Variants in KCNH7 observed in about 807,000 individuals in gnomAD.
KCNH7 encodes potassium voltage-gated channel subfamily H member 7.
KCNH7 carries 49 observed loss-of-function variants against 120.8 expected under a neutral mutation model. The ratio of observed to expected loss-of-function variants is 0.41; its 90% CI spans 0.32 to 0.51. The LOEUF (loss-of-function observed/expected upper bound fraction) is 0.51. Among genes scored for constraint, KCNH7 ranks in the 20% least tolerant of loss-of-function variants. The pLI is 0.38. For missense variants in KCNH7, 1,097 were observed against 1,446.6 expected, an observed-to-expected ratio of 0.76 and a Z score of 3.92; for synonymous variants, 547 against 516.1, an observed-to-expected ratio of 1.06 and a Z score of -0.81.
At chr2:162,475,674 T>A (rs1424746890) in intron 6 of KCNH7, among the ~76,000 whole-genome samples, 1 of 152,314 alleles carries the variant, frequency 6.6e-6, no homozygotes, top group Middle Eastern at 3.4e-3. Flanking sequence ...CCTTTCACTA[T>A]GTATTATCCC....
rs1266355469 is a variant in KCNH7 at position 162,742,890 on chromosome 2, A to G, written c.307+93647T>C. Among the ~76,000 whole-genome samples, 4 of 152,226 alleles carry G rather than the reference A, an allele frequency of 2.6e-5. No homozygotes were observed. In the East Asian group the frequency reaches 5.8e-4, roughly 22 times the overall value. ...TTTTGTTTTCTTTTGTTTTAAATCA[A>G]GATAAAAAGTACAGAAGAATAAGAA... On this transcript the variant is annotated intron_variant, in intron 2 of 15. Coordinates refer to ENST00000332142, the MANE Select transcript of KCNH7 (RefSeq NM_033272.4).
intron 3 of KCNH7, among the ~76,000 whole-genome samples, chr2:162,535,364 G>T (rs750381480): frequency 1.3e-5 from 2 of 151,678 alleles, no homozygotes; most frequent in Non-Finnish European, 3.0e-5. Flanking sequence ...TGTAAACTAA[G>T]AATTCACTAA....
chr2:162,617,137 G>T (rs763683288), intron 2 of KCNH7, among the ~76,000 whole-genome samples: 14 of 152,158 alleles, frequency 9.2e-5, no homozygotes, highest in Non-Finnish European at 1.3e-4. Context: ...TTATGAAGAA[G>T]CACAGCTGAG....
intron 2 of KCNH7, among the ~76,000 whole-genome samples, chr2:162,552,586 G>C (rs959985379): frequency 6.6e-6 from 1 of 152,138 alleles, no homozygotes; most frequent in Non-Finnish European, 1.5e-5. Flanking sequence ...TATGTTATAT[G>C]GCTCAGTTTA....
At chr2:162,481,810 T>A (rs1198168108) in intron 6 of KCNH7, among the ~76,000 whole-genome samples, 3 of 152,194 alleles carry the variant, frequency 2.0e-5, no homozygotes, top group African/African-American at 7.2e-5. Flanking sequence ...GTGCAGTTTA[T>A]TTAGCCCAAT....
intron 2 of KCNH7, among the ~76,000 whole-genome samples, chr2:162,653,111 A>G (rs1476062530): frequency 6.6e-6 from 1 of 152,186 alleles, no homozygotes; most frequent in Non-Finnish European, 1.5e-5. Context: ...AGAAGGTATG[A>G]TGTTGAACCT....
intron 2 of KCNH7, among the ~76,000 whole-genome samples, chr2:162,588,501 A>G (rs1694095966): frequency 6.6e-6 from 1 of 152,104 alleles, no homozygotes; most frequent in South Asian, 2.1e-4. Flanking sequence ...TGTGTAATCA[A>G]TTTATGAACC....
intron 3 of KCNH7, among the ~76,000 whole-genome samples, chr2:162,522,257 G>T (rs559424404): frequency 6.6e-6 from 1 of 151,954 alleles, no homozygotes; most frequent in East Asian, 2.0e-4. Flanking sequence ...TTATTACGAT[G>T]CATTGAAAGT....
chr2:162,594,689 G>T (rs181088832), intron 2 of KCNH7, among the ~76,000 whole-genome samples: 1 of 151,488 alleles, frequency 6.6e-6, no homozygotes, highest in Admixed American at 6.6e-5. Context: ...GACTTTTCTC[G>T]TCCTTATTCC....
At chr2:162,528,515 A>G (rs1285908559) in intron 3 of KCNH7, among the ~76,000 whole-genome samples, 1 of 151,986 alleles carries the variant, frequency 6.6e-6, no homozygotes, top group Non-Finnish European at 1.5e-5. Flanking sequence ...GGGACACCAC[A>G]TGATACAAAT....
intron 2 of KCNH7, among the ~76,000 whole-genome samples, chr2:162,703,195 C>A (rs1387085407): frequency 6.6e-6 from 1 of 151,892 alleles, no homozygotes; most frequent in Non-Finnish European, 1.5e-5. Flanking sequence ...TAGGCAATAC[C>A]TAATTAGATG....
chr2:162,654,241 A>G (rs1336009233), intron 2 of KCNH7, among the ~76,000 whole-genome samples: 3 of 152,048 alleles, frequency 2.0e-5, no homozygotes, highest in Admixed American at 1.3e-4. Flanking sequence ...TACAAACCAT[A>G]CATTTGATAT....
At chr2:162,394,111 G>A (rs10170280) in intron 12 of KCNH7, among the ~76,000 whole-genome samples, 3,677 of 151,928 alleles carry the variant, frequency 0.024, 135 homozygotes, top group African/African-American at 0.084. Flanking sequence ...ACTGTGCTCC[G>A]AACGAATTGA....
intron 3 of KCNH7, among the ~76,000 whole-genome samples, chr2:162,519,841 C>A (rs1419208356): frequency 5.3e-5 from 8 of 151,738 alleles, no homozygotes; most frequent in African/African-American, 1.9e-4. Flanking sequence ...ACACCATTAT[C>A]TTTAATATAT....
chr2:162,807,588 T>A (rs981447898), intron 2 of KCNH7, among the ~76,000 whole-genome samples: 1 of 152,182 alleles, frequency 6.6e-6, no homozygotes, highest in African/African-American at 2.4e-5. Flanking sequence ...TGAAAAATAA[T>A]GACATGAAGT....
chr2:162,495,718 T>C (rs1690474749), intron 6 of KCNH7, among the ~76,000 whole-genome samples: 1 of 152,172 alleles, frequency 6.6e-6, no homozygotes, highest in Non-Finnish European at 1.5e-5. Flanking sequence ...TTTAGACTAA[T>C]CCTGCTTATT....
At chr2:162,575,366 G>T (rs1393577457) in intron 2 of KCNH7, among the ~76,000 whole-genome samples, 1 of 152,002 alleles carries the variant, frequency 6.6e-6, no homozygotes, top group Admixed American at 6.6e-5. Context: ...TGATCCTCTA[G>T]AATATTCTTT....
At chr2:162,607,975 C>A (rs529815584) in intron 2 of KCNH7, among the ~76,000 whole-genome samples, 1 of 152,264 alleles carries the variant, frequency 6.6e-6, no homozygotes, top group African/African-American at 2.4e-5. Flanking sequence ...TCTTAATTTA[C>A]AAAATCTGAC....
At chr2:162,747,795 C>T (rs1358193864) in intron 2 of KCNH7, among the ~76,000 whole-genome samples, 2 of 152,154 alleles carry the variant, frequency 1.3e-5, no homozygotes, top group African/African-American at 4.8e-5. Flanking sequence ...ACTTATATAA[C>T]ATTTTTAAAG....
Sources: gnomAD v4.1 joint callset for allele counts (sites outside exome capture counted in the v4.1 genomes callset) on GRCh38, gnomAD v4.1.1 for gene constraint, MANE v1.5 for transcripts, NCBI Gene and HGNC (gene_info 2026-07-23, HGNC 2026-07-21) for gene names.